MDM1: variants seen among roughly 807,000 people sequenced by gnomAD.
MDM1 encodes Mdm1 nuclear protein.
Under a neutral mutation model 89.1 loss-of-function variants are expected in MDM1, and 61 were observed. The observed-to-expected ratio is 0.68, with a 90% CI of 0.56 to 0.85. The LOEUF (loss-of-function observed/expected upper bound fraction) is 0.85, where lower values mean the gene tolerates loss of function less well. MDM1 is among the 40% of genes least tolerant of loss of function. The pLI is 0.00. For missense variants in MDM1, 820 were observed against 846.5 expected (o/e 0.97, Z 0.39); for synonymous variants, 290 against 294.1 (o/e 0.99, Z 0.14).
chr12:68,301,163 A>C (rs981890780), intron 13 of MDM1, among the ~76,000 whole-genome samples: 2 of 152,246 alleles, frequency 1.3e-5, no homozygotes, highest in Admixed American at 6.5e-5. Flanking sequence ...AGCAATGCTA[A>C]AAGTTTATAG....
chr12:68,296,282 A>G (rs531462640), intron 14 of MDM1, among the ~76,000 whole-genome samples: 18 of 152,256 alleles, frequency 1.2e-4, no homozygotes, highest in East Asian at 1.2e-3. Flanking sequence ...GGCGGATCAC[A>G]AGGTCAGGAG....
chr12:68,304,322 T>G (rs1394491945), intron 12 of MDM1, among the ~76,000 whole-genome samples: 1 of 152,210 alleles, frequency 6.6e-6, no homozygotes, highest in Non-Finnish European at 1.5e-5. Flanking sequence ...TTCCAAACTT[T>G]CCTGATTATT....
At chr12:68,330,781 A>T (rs1278514520) in intron 2 of MDM1, 1 of 242,144 alleles carries the variant, frequency 4.1e-6, no homozygotes, top group Non-Finnish European at 8.0e-6. Context: ...GGCTTTTGTG[A>T]CATCCCAGCC....
At chr12:68,325,338 G>T (rs1875808598) in intron 4 of MDM1, 103 bp downstream of exon 4, 4 of 1,377,014 alleles carry the variant, frequency 2.9e-6, no homozygotes, top group Non-Finnish European at 9.4e-7. Context: ...CCTACCTCCA[G>T]GCTACTTAAG....
chr12:68,314,986 A>C lies in MDM1; in HGVS notation c.1491T>G (p.Asp497Glu), dbSNP rs760635810. 8 of 1,614,106 alleles carry C rather than the reference A, an allele frequency of 5.0e-6. No individual in the cohort carries two copies. Among genetic ancestry groups the C allele is most frequent in the Non-Finnish European group, 6.8e-6 (8 of 1,180,002 alleles). Reference protein sequence around the residue: ...QAFMGEQEKLDVREKSKADKM... With the variant: ...QAFMGEQEKLEVREKSKADKM... ...TATCTGCCTTAGATTTCTCACGTAC[A>C]TCCAACTTCTCTTGCTCTCCCATAA... Residue 497 changes from aspartate (D) to glutamate (E), a missense_variant, in exon 10 of 15, where the codon GAT (aspartate) becomes GAG (glutamate). Asp to Glu is a conservative substitution (Grantham distance 45, BLOSUM62 2). Coordinates refer to ENST00000682720, the MANE Select transcript of MDM1 (RefSeq NM_001354969.2).
chr12:68,326,634 A>C, intron 3 of MDM1, 23 bp downstream of exon 3: 2 of 1,614,116 alleles, frequency 1.2e-6, no homozygotes, highest in Non-Finnish European at 1.7e-6. Flanking sequence ...GCTTTTGAAA[A>C]GAAATGCAGT....
chr12:68,312,079 C>T (rs1000326555), intron 12 of MDM1, among the ~76,000 whole-genome samples: 1 of 152,134 alleles, frequency 6.6e-6, no homozygotes, highest in African/African-American at 2.4e-5. Flanking sequence ...TATCAAAAAA[C>T]TGGGGTTTAG....
Position 68,294,979 on chromosome 12 carries a change from G to C in MDM1, c.*275C>G, listed in dbSNP as rs544330465. 2.5e-5 allele frequency: 5 copies of C among 197,238 alleles called. No individual in the cohort carries two copies. In the East Asian group the frequency reaches 6.7e-4, roughly 27 times the overall value. The allele number at this position is 197,238 out of a possible 1,614,324, so 12.2% of individuals were successfully genotyped here. The stretch of plus-strand genomic sequence containing the variant: ...TTTTTTTAGAATACTCTCTGGATAG[G>C]TGAAAATCTATCCATGACACCTATT... On this transcript the variant is annotated 3_prime_UTR_variant, in exon 15 of 15. Transcript: ENST00000682720.
Position 68,313,647 on chromosome 12 carries a change from C to A in MDM1, c.1636G>T (p.Val546Phe), listed in dbSNP as rs1874017460. The change falls in exon 11 of 15, where the codon GTT becomes TTT. Residue 546 changes from valine (V) to phenylalanine (F), a missense_variant. Transcript: ENST00000682720. ...CTGCACGGTGTTTGCCGATTACCAACAGCTGGAGTAGTGAGATCATGATGA... is the reference window on the plus strand; with the variant it reads ...CTGCACGGTGTTTGCCGATTACCAAAAGCTGGAGTAGTGAGATCATGATGA... The part of the protein sequence containing the change: ...RTHHDLTTPA[V>F]GGAVLVSPSK... The A allele has an allele frequency of 6.2e-7, 1 of 1,613,760 alleles. No homozygotes were observed. Among genetic ancestry groups the A allele is most frequent in the East Asian group, 2.2e-5 (1 of 44,874 alleles).
rs1875948417 is a variant in MDM1 at position 68,326,210 on chromosome 12, A to G, written c.498+447T>C. On this transcript the variant is annotated intron_variant, in intron 3 of 14. Transcript: ENST00000682720. Reference sequence around the variant, plus strand: ...AGAGAGCAGAAATGCAAGATCTCTGAGAGACAGCCAGAGCTCTCCTTCCTT... The same window carrying G: ...AGAGAGCAGAAATGCAAGATCTCTGGGAGACAGCCAGAGCTCTCCTTCCTT... 4.6e-6 allele frequency: 5 copies of G among 1,090,448 alleles called. No homozygotes were observed. The South Asian group carries it at 1.3e-4, about 29-fold the overall frequency. The allele number at this position is 1,090,448 out of a possible 1,614,324, so 67.5% of individuals were successfully genotyped here. A position where few individuals can be genotyped will look rare whatever the true frequency, so the allele number is the denominator to read the frequency against.
intron 7 of MDM1, among the ~76,000 whole-genome samples, chr12:68,317,035 C>CTT (rs574382711): frequency 0.028 from 4,086 of 146,650 alleles, 176 homozygotes; most frequent in African/African-American, 0.097. Flanking sequence ...AAAATCTCAA[C>CTT]TTTTTTTTTT....
At chr12:68,331,311 C>G in intron 1 of MDM1, 90 bp from the exon 2 acceptor site, 1 of 797,762 alleles carries the variant, frequency 1.3e-6, no homozygotes, top group Non-Finnish European at 2.2e-6. Context: ...CTGAACCTCC[C>G]AAAAGAGACT....
In MDM1 at chr12:68,295,266, C is replaced by A; in HGVS notation, c.2163G>T (p.Trp721Cys). ...ARAKKRKENF[W>C]GKT ...AACTCAGCTAGGTTTATGTTTTACCCCAGAAATTCTCCTTCCTTTTCTTAG... is the reference window on the plus strand; with the variant it reads ...AACTCAGCTAGGTTTATGTTTTACCACAGAAATTCTCCTTCCTTTTCTTAG... Residue 721 changes from tryptophan (W) to cysteine (C), a missense_variant, in exon 15 of 15, where the codon TGG (tryptophan) becomes TGT (cysteine). Transcript: ENST00000682720. 6.2e-7 allele frequency: 1 copy of A among 1,610,560 alleles called. No homozygotes were observed. Among genetic ancestry groups the A allele is most frequent in the South Asian group, 1.1e-5 (1 of 90,556 alleles).
At chr12:68,299,498 G>A (rs996768152) in intron 13 of MDM1, among the ~76,000 whole-genome samples, 19 of 152,050 alleles carry the variant, frequency 1.2e-4, no homozygotes, top group Admixed American at 2.0e-4. Context: ...AATACAAAAC[G>A]TAGTGGAAAG....
At chr12:68,308,977 C>G (rs149666514) in intron 12 of MDM1, among the ~76,000 whole-genome samples, 286 of 152,320 alleles carry the variant, frequency 1.9e-3, no homozygotes, top group Non-Finnish European at 3.2e-3. Flanking sequence ...CTCCTTCATC[C>G]AAGCTACCAA....
intron 1 of MDM1, 113 bp from the exon 2 acceptor site, chr12:68,331,334 T>C: frequency 1.4e-6 from 1 of 720,462 alleles, no homozygotes; most frequent in Middle Eastern, 2.6e-4. Flanking sequence ...AGACTGAAAA[T>C]TAAACACAGA....
rs1188480894 is a variant in MDM1, at chr12:68,313,742, G to GC, written c.1540_1541insG (p.Ser514CysfsTer27). On this transcript the variant is annotated frameshift_variant, in exon 11 of 15. Coordinates refer to ENST00000682720, the MANE Select transcript of MDM1 (RefSeq NM_001354969.2). LOFTEE classifies it high-confidence loss of function. ...CCGGCCTCCTTTTTCTGAGGATACA[G>GC]AAGAATCTGACCTATAAATTGAAAC... is the stretch of plus-strand genomic sequence containing the variant. 11 of 1,612,144 alleles carry GC rather than the reference G, an allele frequency of 6.8e-6. No individual in the cohort carries two copies. Among genetic ancestry groups the GC allele is most frequent in the African/African-American group, 1.3e-5 (1 of 74,860 alleles).
intron 2 of MDM1, among the ~76,000 whole-genome samples, chr12:68,329,867 A>G (rs1281206777): frequency 1.3e-5 from 2 of 152,234 alleles, no homozygotes; most frequent in Non-Finnish European, 2.9e-5. Flanking sequence ...GGCATGTGTG[A>G]TAACAAGAAC....
At position 68,332,222 on chromosome 12, in the gene MDM1, C is replaced by T; in HGVS notation, c.18+6G>A. On this transcript the variant is annotated splice_donor_region_variant and intron_variant, in intron 1 of 14. Transcript: ENST00000682720. ...CCACATTCCGGCCCGGGGACCCCAG[C>T]CTCACCTTGAAGCGCACCGGCATGT... 1 of 1,573,850 alleles carries T rather than the reference C, an allele frequency of 6.4e-7. No individual in the cohort carries two copies. The highest frequency in any genetic ancestry group is 8.6e-7 in the Non-Finnish European group (1 of 1,159,980).
Sources: gnomAD v4.1 joint callset for allele counts (sites outside exome capture counted in the v4.1 genomes callset) on GRCh38, gnomAD v4.1.1 for gene constraint, MANE v1.5 for transcripts, NCBI Gene and HGNC (gene_info 2026-07-23, HGNC 2026-07-21) for gene names.